The following RYR3 variants were observed in gnomAD, a reference collection of about 807,000 sequenced individuals.
The protein encoded by RYR3 is ryanodine receptor 3.
A neutral mutation model predicts 584.3 loss-of-function variants in RYR3; 207 were observed. The ratio of observed to expected loss-of-function variants is 0.35; its 90% CI spans 0.32 to 0.40. The LOEUF is 0.40. Ranked by LOEUF, RYR3 falls within the 10% of genes least tolerant of loss-of-function variation. The pLI is 1.00. For missense variants in RYR3, 5,616 were observed against 6,089.2 expected, an observed-to-expected ratio of 0.92 and a Z score of 2.59; for synonymous variants, 2,416 against 2,248.5, an observed-to-expected ratio of 1.07 and a Z score of -2.11.
intron 3 of RYR3, among the ~76,000 whole-genome samples, chr15:33,512,734 G>T (rs564667054): frequency 2.9e-4 from 44 of 152,306 alleles, no homozygotes; most frequent in African/African-American, 9.1e-4. Context: ...GAAAGCCTGA[G>T]CTGCTTCTCC....
intron 2 of RYR3, among the ~76,000 whole-genome samples, chr15:33,503,323 C>G (rs2052168634): frequency 6.6e-6 from 1 of 152,176 alleles, no homozygotes. Context: ...GGCTGTAGAT[C>G]AGCCTTCCCT....
chr15:33,494,186 T>G (rs543579743), intron 2 of RYR3, among the ~76,000 whole-genome samples: 1 of 152,306 alleles, frequency 6.6e-6, no homozygotes, highest in African/African-American at 2.4e-5. Flanking sequence ...GCAATTTGGA[T>G]TCTCTGCTTC....
intron 3 of RYR3, among the ~76,000 whole-genome samples, chr15:33,526,381 C>T (rs1380176099): frequency 6.6e-6 from 1 of 152,194 alleles, no homozygotes; most frequent in East Asian, 1.9e-4. Context: ...TATTTTCCTT[C>T]TGCCAGTGGT....
At chr15:33,443,347 A>G (rs1253303918) in intron 1 of RYR3, among the ~76,000 whole-genome samples, 1 of 152,178 alleles carries the variant, frequency 6.6e-6, no homozygotes, top group East Asian at 1.9e-4. Context: ...AGTCAGAAAA[A>G]TTGAAAGATC....
At chr15:33,591,771 TATC>T (rs1309887167) in intron 16 of RYR3, among the ~76,000 whole-genome samples, 10 of 152,320 alleles carry the variant, frequency 6.6e-5, no homozygotes, top group African/African-American at 2.4e-4. Flanking sequence ...AAAATAGTAA[TATC>T]ATTGATTCTC....
At chr15:33,555,024 A>G (rs963852886) in intron 10 of RYR3, among the ~76,000 whole-genome samples, 28 of 152,232 alleles carry the variant, frequency 1.8e-4, no homozygotes, top group Non-Finnish European at 3.4e-4. Context: ...AATGTTGCCT[A>G]TTTCATAGTG....
At chr15:33,485,666 G>A (rs1436969048) in intron 2 of RYR3, among the ~76,000 whole-genome samples, 1 of 152,222 alleles carries the variant, frequency 6.6e-6, no homozygotes, top group African/African-American at 2.4e-5. Flanking sequence ...TTTCCAAATA[G>A]TGTGAGAGCA....
At chr15:33,858,001 G>T (rs2079882678) in intron 99 of RYR3, 87 bp downstream of exon 99, 1 of 1,552,884 alleles carries the variant, frequency 6.4e-7, no homozygotes, top group Admixed American at 1.8e-5. Context: ...GCTGTGTGGG[G>T]GTGCTCTTGA....
At chr15:33,586,197 C>G in intron 16 of RYR3, 81 bp downstream of exon 16, 1 of 820,900 alleles carries the variant, frequency 1.2e-6, no homozygotes, top group Non-Finnish European at 2.1e-6. Flanking sequence ...TTACTGAGAG[C>G]ATGTTGATTA....
chr15:33,641,467 T>C (rs1035631143), intron 27 of RYR3, among the ~76,000 whole-genome samples: 1 of 152,242 alleles, frequency 6.6e-6, no homozygotes, highest in South Asian at 2.1e-4. Context: ...TGAAGAGTTA[T>C]AAAGTTACAA....
chr15:33,680,707 C>T (rs2064532705), intron 38 of RYR3, among the ~76,000 whole-genome samples: 1 of 152,186 alleles, frequency 6.6e-6, no homozygotes, highest in Admixed American at 6.5e-5. Context: ...GGTCATTTTA[C>T]ATTCCTGAGG....
intron 1 of RYR3, among the ~76,000 whole-genome samples, chr15:33,419,152 G>T (rs993176338): frequency 1.3e-5 from 2 of 152,144 alleles, no homozygotes; most frequent in African/African-American, 4.8e-5. Context: ...AATGGGAAAA[G>T]CTTCCTGAGG....
At chr15:33,697,731 A>G (rs1015864537) in intron 39 of RYR3, 151 bp from the exon 40 acceptor site, 1 of 566,864 alleles carries the variant, frequency 1.8e-6, no homozygotes, top group African/African-American at 1.9e-5. Context: ...CTCCACATAT[A>G]TTCCAGCTGA....
intron 2 of RYR3, among the ~76,000 whole-genome samples, chr15:33,477,972 A>T (rs1366584782): frequency 1.3e-5 from 2 of 151,032 alleles, no homozygotes; most frequent in African/African-American, 2.4e-5. Context: ...CATTTTATCG[A>T]TAGCAAATGT....
In RYR3 at chr15:33,623,808, G is replaced by A. The variant is rs1272970060; in HGVS notation, c.2359G>A (p.Val787Ile). 8 of 1,605,118 alleles carry A rather than the reference G, an allele frequency of 5.0e-6. No homozygotes were observed. The highest frequency in any genetic ancestry group is 5.1e-6 in the Non-Finnish European group (6 of 1,171,978). Residue 787 changes from valine (V) to isoleucine (I), a missense_variant and splice_region_variant, in exon 20 of 104, where the codon GTA (valine) becomes ATA (isoleucine). By Grantham distance (29) the Val-to-Ile change is conservative. This residue lies in a region of RYR3 where 1,284 missense variants were observed against 1,344.6 expected (regional missense o/e 0.95). Transcript: ENST00000634891. ...ATTTCTGCTATCTTCAAATGACAGA[G>A]TACGTTTCCTGATGGGTGGACGTCA... The part of the protein sequence containing the change: ...PVMSFSAGVK[V>I]RFLMGGRHGE...
chr15:33,557,294 C>T (rs566483272), intron 10 of RYR3, among the ~76,000 whole-genome samples: 2 of 152,170 alleles, frequency 1.3e-5, no homozygotes, highest in East Asian at 1.9e-4. Flanking sequence ...CTGGTGAATT[C>T]GCGTGATGGC....
chr15:33,564,847 G>C (rs1012890377), intron 11 of RYR3, among the ~76,000 whole-genome samples: 9 of 152,144 alleles, frequency 5.9e-5, no homozygotes, highest in African/African-American at 2.2e-4. Context: ...TCTCCAGCTG[G>C]TGTGATGGTG....
In RYR3 at chr15:33,592,639, A is replaced by G. The variant is rs146183068; in HGVS notation, c.1788+6523A>G. On this transcript the variant is annotated intron_variant, in intron 16 of 103. Coordinates refer to ENST00000634891, the MANE Select transcript of RYR3 (RefSeq NM_001036.6). ...AGGAGAAGAAAATGGAGTCTGGTGA[A>G]TACTCAGCAATACCTGCCTCTCCAG... Among the ~76,000 whole-genome samples, 12 of 152,294 alleles carry G rather than the reference A, an allele frequency of 7.9e-5. No homozygotes were observed. In the East Asian group the frequency reaches 2.3e-3, roughly 29 times the overall value.
chr15:33,825,609 T>C lies in RYR3; in HGVS notation c.11079T>C (p.Leu3693=). 1 of 1,611,268 alleles carries C rather than the reference T, an allele frequency of 6.2e-7. No individual in the cohort carries two copies. The part of the protein sequence containing the change: ...LSGLMQSCSV[L]DLNAFERQNK... ...TCTTTCTGTCTATTAAAAGTGTCCT[T>C]GATTTGAATGCATTTGAGAGGCAGA... The change falls in exon 82 of 104, where the codon CTT becomes CTC. Residue 3693 remains leucine, a synonymous_variant. Transcript: ENST00000634891.
Sources: allele counts gnomAD v4.1 joint callset (sites outside exome capture counted in the v4.1 genomes callset), GRCh38; gene constraint gnomAD v4.1.1; regional missense constraint gnomAD v4.1.1; transcripts MANE v1.5; gene names NCBI Gene and HGNC (gene_info 2026-07-23, HGNC 2026-07-21).